The following RHBDL2 variants were observed in gnomAD, a reference collection of about 807,000 sequenced individuals.
RHBDL2 encodes the protein rhomboid-related protein 2.
A neutral mutation model predicts 31.7 loss-of-function variants in RHBDL2; 26 were observed. That is an observed-to-expected ratio of 0.82 (90% CI 0.60 to 1.14). The LOEUF is 1.14. RHBDL2 is among the 50% of genes most tolerant of loss of function. The pLI, the probability that RHBDL2 is intolerant of heterozygous loss-of-function variation, is 0.00. For synonymous variants in RHBDL2, 123 were observed against 127.2 expected (o/e 0.97, Z 0.22); for missense variants, 336 against 364.4 (o/e 0.92, Z 0.63).
At chr1:38,888,403 A>G (rs1165009782) in intron 6 of RHBDL2, among the ~76,000 whole-genome samples, 1 of 152,216 alleles carries the variant, frequency 6.6e-6, no homozygotes, top group Admixed American at 6.5e-5. Context: ...AACATACAGT[A>G]TGTCAAATAG....
At chr1:38,938,268 GC>G (rs1485895054) in intron 1 of RHBDL2, among the ~76,000 whole-genome samples, 1 of 152,018 alleles carries the variant, frequency 6.6e-6, no homozygotes, top group Non-Finnish European at 1.5e-5. Context: ...GCCCGCCTCG[GC>G]CTCCCAAAGT....
chr1:38,922,308 C>A (rs1643325493), intron 1 of RHBDL2, among the ~76,000 whole-genome samples: 1 of 137,234 alleles, frequency 7.3e-6, no homozygotes, highest in African/African-American at 2.9e-5. Flanking sequence ...CTCCCTGTCA[C>A]CCAGGCTGGA....
intron 2 of RHBDL2, 82 bp downstream of exon 2, chr1:38,918,885 C>T (rs957483134): frequency 7.9e-6 from 12 of 1,519,688 alleles, no homozygotes; most frequent in Non-Finnish European, 7.1e-6. Context: ...CCAGTCTCTT[C>T]TCTAGATCTA....
chr1:38,903,663 A>G (rs1309713248), intron 4 of RHBDL2, among the ~76,000 whole-genome samples: 3 of 152,232 alleles, frequency 2.0e-5, no homozygotes, highest in Non-Finnish European at 4.4e-5. Flanking sequence ...AAGTTGATCT[A>G]TAGATTCAAT....
At chr1:38,895,625 G>A (rs142106152) in intron 5 of RHBDL2, among the ~76,000 whole-genome samples, 1,818 of 152,168 alleles carry the variant, frequency 0.012, 52 homozygotes, top group African/African-American at 0.042. Flanking sequence ...GCAACATGGC[G>A]AAACCCTGGC....
At chr1:38,939,258 T>C (rs1643538824) in intron 1 of RHBDL2, among the ~76,000 whole-genome samples, 1 of 152,152 alleles carries the variant, frequency 6.6e-6, no homozygotes, top group Non-Finnish European at 1.5e-5. Flanking sequence ...TTCTTTTCCT[T>C]GAGAGACAGT....
intron 1 of RHBDL2, among the ~76,000 whole-genome samples, chr1:38,936,959 T>C (rs979079846): frequency 2.0e-5 from 3 of 149,684 alleles, no homozygotes; most frequent in Admixed American, 6.7e-5. Flanking sequence ...TTCTTTTTTT[T>C]TTTTTTGAGA....
chr1:38,932,466 T>C (rs1643448742), intron 1 of RHBDL2, among the ~76,000 whole-genome samples: 1 of 152,128 alleles, frequency 6.6e-6, no homozygotes, highest in Non-Finnish European at 1.5e-5. Flanking sequence ...TTTTCTGTTA[T>C]TTGTTTGTTT....
At chr1:38,939,970 C>A (rs1557626525) in intron 1 of RHBDL2, among the ~76,000 whole-genome samples, 1 of 152,086 alleles carries the variant, frequency 6.6e-6, no homozygotes, top group Non-Finnish European at 1.5e-5. Flanking sequence ...GTCACCGCCC[C>A]CAGCCTGGTC....
At chr1:38,927,942 G>T (rs1643396016) in intron 1 of RHBDL2, among the ~76,000 whole-genome samples, 1 of 152,028 alleles carries the variant, frequency 6.6e-6, no homozygotes, top group African/African-American at 2.4e-5. Context: ...AGAGTCTCGG[G>T]CGCCTGACTC....
intron 1 of RHBDL2, among the ~76,000 whole-genome samples, chr1:38,937,460 A>T (rs1217878189): frequency 1.3e-5 from 2 of 152,136 alleles, no homozygotes; most frequent in African/African-American, 4.8e-5. Context: ...AACAATGAAA[A>T]CAGAGTTGAA....
chr1:38,930,980 G>C (rs1425712034), intron 1 of RHBDL2, among the ~76,000 whole-genome samples: 1 of 152,184 alleles, frequency 6.6e-6, no homozygotes, highest in East Asian at 1.9e-4. Flanking sequence ...TGGACCACCT[G>C]CATCAGAATC....
At chr1:38,908,606 G>A (rs1643100089) in intron 4 of RHBDL2, among the ~76,000 whole-genome samples, 1 of 151,650 alleles carries the variant, frequency 6.6e-6, no homozygotes, top group Non-Finnish European at 1.5e-5. Flanking sequence ...CTCGCAGGGC[G>A]TGCGATGGGG....
chr1:38,933,707 T>C (rs12036172), intron 1 of RHBDL2, among the ~76,000 whole-genome samples: 8,278 of 148,316 alleles, frequency 0.056, 357 homozygotes, highest in East Asian at 0.21. Context: ...ATCAGTGTCA[T>C]ACCTCACAGG....
In RHBDL2 at chr1:38,896,060, G is replaced by T. The variant is rs909949067; in HGVS notation, c.518C>A (p.Ala173Asp). 1.2e-6 allele frequency: 2 copies of T among 1,612,228 alleles called. No individual in the cohort carries two copies. The highest frequency in any genetic ancestry group is 1.7e-6 in the Non-Finnish European group (2 of 1,178,474). The change falls in exon 5 of 8, where the codon GCC (alanine) becomes GAC (aspartate). Residue 173 changes from alanine (A) to aspartate (D), a missense_variant. Ala to Asp is a moderately radical substitution (Grantham distance 126). Transcript: ENST00000372990. ...TCTGAGTGGGTCAAAGATGGAGCTG[G>T]CAAGGGACCCTAAAGAAATAAAACA... Reference protein sequence around the residue: ...YLAGVIAGSLASSIFDPLRYL... With the variant: ...YLAGVIAGSLDSSIFDPLRYL...
chr1:38,904,882 T>C (rs953189201), intron 4 of RHBDL2, among the ~76,000 whole-genome samples: 6 of 148,594 alleles, frequency 4.0e-5, no homozygotes, highest in Admixed American at 2.7e-4. Context: ...ATACAAAAAA[T>C]TAGCCGGGCG....
chr1:38,925,712 T>C (rs1440684247), intron 1 of RHBDL2, among the ~76,000 whole-genome samples: 2 of 152,186 alleles, frequency 1.3e-5, no homozygotes, highest in East Asian at 3.8e-4. Flanking sequence ...AGTTACTGTC[T>C]TATACCTCCC....
chr1:38,923,998 C>T (rs1347529795), intron 1 of RHBDL2, among the ~76,000 whole-genome samples: 1 of 152,072 alleles, frequency 6.6e-6, no homozygotes, highest in Non-Finnish European at 1.5e-5. Context: ...ACACCAAGAA[C>T]CAAAACCCTT....
At chr1:38,915,385 T>G in intron 3 of RHBDL2, 177 bp downstream of exon 3, 1 of 599,704 alleles carries the variant, frequency 1.7e-6, no homozygotes, top group African/African-American at 1.9e-5. Flanking sequence ...TCAGCCTCCA[T>G]GACTACATCT....
Sources: allele counts gnomAD v4.1 joint callset (sites outside exome capture counted in the v4.1 genomes callset), GRCh38; gene constraint gnomAD v4.1.1; transcripts MANE v1.5; gene names NCBI Gene and HGNC (gene_info 2026-07-23, HGNC 2026-07-21).